The following RBFOX1 variants were observed in gnomAD, a reference collection of about 807,000 sequenced individuals.
The protein encoded by RBFOX1 is RNA binding fox-1 homolog 1.
In RBFOX1, 8 loss-of-function variants were observed where a neutral mutation model predicts 57.7. The ratio of observed to expected loss-of-function variants is 0.14; its 90% confidence interval spans 0.08 to 0.25. The LOEUF (loss-of-function observed/expected upper bound fraction) is 0.25. RBFOX1 is among the 10% of genes least tolerant of loss of function. The pLI, the probability that RBFOX1 is intolerant of heterozygous loss-of-function variation, is 1.00. For missense variants in RBFOX1, 611 were observed against 548.5 expected (o/e 1.11, Z -1.14); for synonymous variants, 326 against 222.4 (o/e 1.47, Z -4.15).
chr16:5,755,616 G>A (rs2151630088), intron 3 of RBFOX1, among the ~76,000 whole-genome samples: 1 of 152,206 alleles, frequency 6.6e-6, no homozygotes, highest in East Asian at 1.9e-4. Flanking sequence ...ATTTTTTCTT[G>A]AGACAGTGTT....
chr16:7,380,640 C>G (rs575424210), intron 4 of RBFOX1, among the ~76,000 whole-genome samples: 1 of 152,354 alleles, frequency 6.6e-6, no homozygotes, highest in South Asian at 2.1e-4. Flanking sequence ...GGCAGCAGCT[C>G]ACACCGCTGA....
chr16:7,558,624 C>T (rs2089468214), intron 5 of RBFOX1, among the ~76,000 whole-genome samples: 2 of 152,010 alleles, frequency 1.3e-5, no homozygotes. Context: ...ACAACAGAGT[C>T]ACAGAATTCC....
At chr16:7,574,091 T>TCATTCACTAGTG (rs1235363279) in intron 5 of RBFOX1, among the ~76,000 whole-genome samples, 8 of 152,168 alleles carry the variant, frequency 5.3e-5, no homozygotes, top group Non-Finnish European at 1.2e-4. Flanking sequence ...ACTTCTCAAG[T>TCATTCACTAGTG]TGAATGAGGC....
intron 2 of RBFOX1, among the ~76,000 whole-genome samples, chr16:5,582,873 T>C (rs1209361518): frequency 6.6e-6 from 1 of 152,178 alleles, no homozygotes; most frequent in Non-Finnish European, 1.5e-5. Context: ...CATTCAACTG[T>C]GTATCCTTAG....
chr16:7,620,368 A>G (rs960471937), intron 10 of RBFOX1, among the ~76,000 whole-genome samples: 7 of 152,212 alleles, frequency 4.6e-5, no homozygotes, highest in Non-Finnish European at 1.0e-4. Context: ...CAGCAAGATC[A>G]GGAAACAAAA....
In RBFOX1 at chr16:5,869,556, C is replaced by G. The variant is rs1164927304; in HGVS notation, c.351+2221C>G. Among the ~76,000 whole-genome samples, 8 of 152,218 alleles carry G rather than the reference C, an allele frequency of 5.3e-5. 1 individual carries two copies. The South Asian group carries it at 1.2e-3, about 24-fold the overall frequency. On this transcript the variant is annotated intron_variant, in intron 4 of 19. Transcript: ENST00000641259. The stretch of plus-strand genomic sequence containing the variant: ...AGCTGGGAGTACAGGTGCGTGCCAC[C>G]ATGCCTAGCTAGTTTTTGTATTTTT...
intron 10 of RBFOX1, among the ~76,000 whole-genome samples, chr16:7,612,126 C>G (rs1415292086): frequency 6.6e-6 from 1 of 151,786 alleles, no homozygotes; most frequent in East Asian, 1.9e-4. Flanking sequence ...TTGAGACCAT[C>G]CTGGCTAACA....
chr16:5,570,499 T>TGGTCA (rs2046244993), intron 2 of RBFOX1, among the ~76,000 whole-genome samples: 1 of 152,160 alleles, frequency 6.6e-6, no homozygotes, highest in Admixed American at 6.5e-5. Context: ...GCTTAACAGC[T>TGGTCA]GGTCAGGTCA....
At chr16:6,511,956 C>A (rs2096263766) in intron 2 of RBFOX1, among the ~76,000 whole-genome samples, 1 of 151,860 alleles carries the variant, frequency 6.6e-6, no homozygotes, top group South Asian at 2.1e-4. Context: ...CAGGTCTTTC[C>A]CTGAGACTTA....
chr16:6,213,966 C>A (rs918619961), intron 1 of RBFOX1, among the ~76,000 whole-genome samples: 1 of 152,168 alleles, frequency 6.6e-6, no homozygotes, highest in Non-Finnish European at 1.5e-5. Context: ...ATCATGAGAA[C>A]CAAAATGGCT....
At chr16:7,062,893 A>ATTTTTTTTTTTTT (rs1170936027) in intron 4 of RBFOX1, among the ~76,000 whole-genome samples, 30 of 47,268 alleles carry the variant, frequency 6.3e-4, no homozygotes, top group African/African-American at 1.0e-3. Context: ...AATGATCGCC[A>ATTTTTTTTTTTTT]TTTTTTTTTT....
Position 6,839,993 on chromosome 16 carries a change from A to G in RBFOX1, c.-16+185343A>G, listed in dbSNP as rs187340002. On this transcript the variant is annotated intron_variant, in intron 3 of 15. Coordinates refer to ENST00000550418, the MANE Select transcript of RBFOX1 (RefSeq NM_018723.4). ...TTTAAAATAACGAAATATTTGGTAT[A>G]AACAAAATAATATCTGTAGCAACTA... Among the ~76,000 whole-genome samples, 640 of 152,330 alleles carry G rather than the reference A, an allele frequency of 4.2e-3. 1 individual carries two copies. The highest frequency in any genetic ancestry group is 0.034 in the Middle Eastern group (10 of 294).
intron 1 of RBFOX1, among the ~76,000 whole-genome samples, chr16:5,393,325 G>A (rs1201116006): frequency 2.6e-5 from 4 of 152,296 alleles, no homozygotes; most frequent in East Asian, 3.9e-4. Flanking sequence ...GTCTCAAGCC[G>A]AATACTTGGC....
In RBFOX1 at chr16:5,928,406, G is replaced by A. The variant is rs572111332; in HGVS notation, c.351+61071G>A. On this transcript the variant is annotated intron_variant, in intron 4 of 19. Transcript: ENST00000641259. ...TCATGCATAGATTTTAAATGTTCTC[G>A]CCATGAAAAAAAAAAAAAAGTATGT... Among the ~76,000 whole-genome samples the A allele has an allele frequency of 9.5e-4, 140 of 146,774 alleles. 1 individual carries two copies. The highest frequency in any genetic ancestry group is 3.2e-3 in the African/African-American group (127 of 39,306).
At position 5,485,345 on chromosome 16, in the gene RBFOX1, C is replaced by CAAAAAAAAAAAAAAAAAAAA. The variant is rs71142624; in HGVS notation, c.258+18095_258+18114dup. Among the ~76,000 whole-genome samples the CAAAAAAAAAAAAAAAAAAAA allele has an allele frequency of 5.8e-5, 3 of 51,668 alleles. 1 individual carries two copies. Among genetic ancestry groups the CAAAAAAAAAAAAAAAAAAAA allele is most frequent in the Non-Finnish European group, 1.1e-4 (3 of 28,554 alleles). The allele number at this position is 51,668 out of a possible 152,430, so 33.9% of individuals were successfully genotyped here. On this transcript the variant is annotated intron_variant, in intron 2 of 2. Coordinates refer to the RBFOX1 transcript ENST00000585867. ...TGGGCGACAGAGCCAGACTCCGTGT[C>CAAAAAAAAAAAAAAAAAAAA]AAAAAAAAAAAAAAAAAAAAAAAGT...
At chr16:5,887,967 A>G (rs1386613043) in intron 4 of RBFOX1, among the ~76,000 whole-genome samples, 4 of 152,318 alleles carry the variant, frequency 2.6e-5, no homozygotes, top group African/African-American at 9.6e-5. Context: ...CAAAACTTCT[A>G]CAAGACGAGC....
rs2098742792 is a variant in RBFOX1 at position 7,438,817 on chromosome 16, C to T, written c.28-79330C>T. On this transcript the variant is annotated intron_variant, in intron 4 of 15. Coordinates refer to ENST00000550418, the MANE Select transcript of RBFOX1 (RefSeq NM_018723.4). Reference sequence around the variant, plus strand: ...GTAGCCTTGATGGGCCCAGGCCCAACCTAGACTTTCAACCACGCCAAGCAG... The same window carrying T: ...GTAGCCTTGATGGGCCCAGGCCCAATCTAGACTTTCAACCACGCCAAGCAG... Among the ~76,000 whole-genome samples the T allele has an allele frequency of 2.0e-5, 3 of 152,188 alleles. 1 individual carries two copies. Among genetic ancestry groups the T allele is most frequent in the African/African-American group, 7.2e-5 (3 of 41,454 alleles).
At chr16:6,002,022 C>T (rs990375512) in intron 4 of RBFOX1, among the ~76,000 whole-genome samples, 3 of 150,120 alleles carry the variant, frequency 2.0e-5, no homozygotes, top group Non-Finnish European at 3.0e-5. Flanking sequence ...GCTGGAGTGC[C>T]GTGGCATGAT....
intron 2 of RBFOX1, among the ~76,000 whole-genome samples, chr16:6,634,829 CAT>C (rs929047637): frequency 3.7e-5 from 5 of 135,870 alleles, no homozygotes; most frequent in Admixed American, 3.0e-4. Flanking sequence ...CAAAGATATA[CAT>C]ATATTTGTAT....
Sources: gnomAD v4.1 joint callset for allele counts (sites outside exome capture counted in the v4.1 genomes callset) on GRCh38, gnomAD v4.1.1 for gene constraint, MANE v1.5 for transcripts, NCBI Gene and HGNC (gene_info 2026-07-23, HGNC 2026-07-21) for gene names.